RGS7: variants seen among roughly 807,000 people sequenced by gnomAD.
The protein encoded by RGS7 is regulator of G protein signaling 7, also known as regulator of G-protein signaling 7.
Under a neutral mutation model 81.1 loss-of-function variants are expected in RGS7, and 27 were observed. The ratio of observed to expected loss-of-function variants is 0.33; its 90% CI spans 0.25 to 0.46. The LOEUF is 0.46. Ranked by LOEUF, RGS7 falls within the 20% of genes least tolerant of loss-of-function variation. The probability of loss-of-function intolerance (pLI) is 1.00; values close to 1 mark genes in which losing one functional copy is unlikely to be tolerated. For synonymous variants in RGS7, 208 were observed against 207.7 expected, an observed-to-expected ratio of 1.00 and a Z score of -0.01; for missense variants, 396 against 607.4, an observed-to-expected ratio of 0.65 and a Z score of 3.66.
At chr1:241,071,588 T>C (rs959196351) in intron 3 of RGS7, among the ~76,000 whole-genome samples, 5 of 151,666 alleles carry the variant, frequency 3.3e-5, no homozygotes, top group African/African-American at 4.8e-5. Context: ...AAAATGAAGA[T>C]GAAGTCAGCT....
chr1:240,782,183 G>A (rs1294531820), intron 18 of RGS7, among the ~76,000 whole-genome samples: 5 of 152,164 alleles, frequency 3.3e-5, no homozygotes, highest in African/African-American at 1.2e-4. Flanking sequence ...CCCTACTCTA[G>A]TGCACAAAGA....
At chr1:241,092,284 A>C (rs1404606445) in intron 3 of RGS7, among the ~76,000 whole-genome samples, 4 of 152,238 alleles carry the variant, frequency 2.6e-5, no homozygotes, top group African/African-American at 4.8e-5. Flanking sequence ...TACAAATTTA[A>C]AATTAATCAT....
intron 3 of RGS7, among the ~76,000 whole-genome samples, chr1:241,078,301 C>CTGTGTGTGTG (rs71568986): frequency 6.4e-4 from 83 of 130,270 alleles, no homozygotes; most frequent in East Asian, 2.0e-3. Context: ...CTTCTGGTCT[C>CTGTGTGTGTG]TGTGTGTGTG....
At chr1:241,143,280 G>C (rs1185471229) in intron 2 of RGS7, among the ~76,000 whole-genome samples, 1 of 152,090 alleles carries the variant, frequency 6.6e-6, no homozygotes, top group Admixed American at 6.6e-5. Context: ...TATCTTTTCA[G>C]CAATACCCCA....
Position 240,918,073 on chromosome 1 carries a change from T to C in RGS7, c.385+12644A>G, listed in dbSNP as rs562673949. Reference sequence around the variant, plus strand: ...AAAGACATAACAACCTTAATGTGTATGTGCTTAACGACAGAGCATCAAAAT... The same window carrying C: ...AAAGACATAACAACCTTAATGTGTACGTGCTTAACGACAGAGCATCAAAAT... On this transcript the variant is annotated intron_variant, in intron 6 of 18. Coordinates refer to ENST00000440928, the MANE Select transcript of RGS7 (RefSeq NM_001364886.1). Among the ~76,000 whole-genome samples the C allele has an allele frequency of 1.1e-4, 16 of 152,322 alleles. 1 individual carries two copies. The South Asian group carries it at 3.3e-3, about 32-fold the overall frequency.
intron 2 of RGS7, among the ~76,000 whole-genome samples, chr1:241,340,559 A>G (rs1423556043): frequency 6.6e-6 from 1 of 152,222 alleles, no homozygotes; most frequent in African/African-American, 2.4e-5. Flanking sequence ...TAAAACAACT[A>G]AAACTGAATT....
intron 2 of RGS7, among the ~76,000 whole-genome samples, chr1:241,352,789 T>G (rs2083327449): frequency 1.3e-5 from 2 of 152,254 alleles, no homozygotes; most frequent in Admixed American, 1.3e-4. Flanking sequence ...CTCCTGTAAT[T>G]TGTATGAGGA....
intron 3 of RGS7, among the ~76,000 whole-genome samples, chr1:240,990,166 A>C (rs1686251341): frequency 6.6e-6 from 1 of 152,216 alleles, no homozygotes; most frequent in Non-Finnish European, 1.5e-5. Context: ...GTGCATAAAA[A>C]TGGTCATGCT....
At position 241,345,372 on chromosome 1, in the gene RGS7, T is replaced by C. The variant is rs566625563; in HGVS notation, c.78+10327A>G. ...TTTACCTATATATCAAACCTGCACA[T>C]GTACCCCAGAACCTAAAATAAAAGT... is the stretch of plus-strand genomic sequence containing the variant. On this transcript the variant is annotated intron_variant, in intron 2 of 18. Transcript: ENST00000440928. Among the ~76,000 whole-genome samples, 21 of 152,290 alleles carry C rather than the reference T, an allele frequency of 1.4e-4. 1 individual carries two copies. In the South Asian group the frequency reaches 2.5e-3, roughly 18 times the overall value.
intron 6 of RGS7, among the ~76,000 whole-genome samples, chr1:240,872,985 A>C (rs763780880): frequency 6.6e-6 from 1 of 152,096 alleles, no homozygotes; most frequent in Non-Finnish European, 1.5e-5. Context: ...AAGCTGAGTC[A>C]GGAGAATCAC....
At chr1:241,244,538 G>A (rs1299268705) in intron 2 of RGS7, among the ~76,000 whole-genome samples, 2 of 152,196 alleles carry the variant, frequency 1.3e-5, no homozygotes, top group African/African-American at 4.8e-5. Context: ...CATTGTGGAA[G>A]TCAGTGTGGC....
chr1:241,316,963 C>G (rs1408448188), intron 2 of RGS7, among the ~76,000 whole-genome samples: 1 of 152,136 alleles, frequency 6.6e-6, no homozygotes, highest in Admixed American at 6.5e-5. Flanking sequence ...GGCATTAATG[C>G]ACTTTTAAGT....
intron 4 of RGS7, among the ~76,000 whole-genome samples, chr1:240,956,312 A>G (rs1680405834): frequency 6.7e-6 from 1 of 148,956 alleles, no homozygotes; most frequent in African/African-American, 2.5e-5. Flanking sequence ...ACCATTTCAG[A>G]AAAAAAAAAA....
chr1:241,321,995 G>A (rs544269933), intron 2 of RGS7, among the ~76,000 whole-genome samples: 2 of 152,102 alleles, frequency 1.3e-5, no homozygotes, highest in Non-Finnish European at 2.9e-5. Context: ...AGCATTCAGA[G>A]AACTCTTCCA....
intron 2 of RGS7, among the ~76,000 whole-genome samples, chr1:241,196,096 A>C (rs2073047899): frequency 6.6e-6 from 1 of 152,124 alleles, no homozygotes; most frequent in Admixed American, 6.5e-5. Flanking sequence ...AAAAAGAAAG[A>C]GATAGAGAAA....
chr1:241,090,297 G>C (rs745410424), intron 3 of RGS7, among the ~76,000 whole-genome samples: 2 of 152,102 alleles, frequency 1.3e-5, no homozygotes, highest in African/African-American at 2.4e-5. Context: ...CAACAGATAT[G>C]AGAAGAGGGG....
chr1:240,782,049 A>C (rs1235852022), intron 18 of RGS7, among the ~76,000 whole-genome samples: 1 of 152,002 alleles, frequency 6.6e-6, no homozygotes, highest in Non-Finnish European at 1.5e-5. Flanking sequence ...TGCAGCACTG[A>C]GGTCAAAGCA....
chr1:241,355,538 T>G (rs775520819), intron 2 of RGS7, among the ~76,000 whole-genome samples, 161 bp downstream of exon 2: 1 of 152,186 alleles, frequency 6.6e-6, no homozygotes, highest in Non-Finnish European at 1.5e-5. Context: ...ATATGCATCA[T>G]TTGAGAATGT....
At chr1:240,853,722 G>A (rs1337196948) in intron 9 of RGS7, among the ~76,000 whole-genome samples, 3 of 151,798 alleles carry the variant, frequency 2.0e-5, no homozygotes, top group African/African-American at 7.3e-5. Context: ...CTAACACGGT[G>A]AAACCCCGTC....
Sources: gnomAD v4.1 joint callset for allele counts (sites outside exome capture counted in the v4.1 genomes callset) on GRCh38, gnomAD v4.1.1 for gene constraint, MANE v1.5 for transcripts, NCBI Gene and HGNC (gene_info 2026-07-23, HGNC 2026-07-21) for gene names.